The following SDK1 variants were observed in gnomAD, a reference collection of about 807,000 sequenced individuals.
SDK1 encodes sidekick cell adhesion molecule 1.
SDK1 carries 157 observed loss-of-function variants against 245.5 expected under a neutral mutation model. The observed-to-expected ratio is 0.64, with a 90% CI of 0.56 to 0.73. The LOEUF (loss-of-function observed/expected upper bound fraction) is 0.73. Among genes scored for constraint, SDK1 ranks in the 30% least tolerant of loss-of-function variants. The pLI is 0.00. For missense variants in SDK1, 3,583 were observed against 3,002.3 expected (o/e 1.19, Z -4.52); for synonymous variants, 1,647 against 1,278.5 (o/e 1.29, Z -6.15).
chr7:3,613,369 A>G (rs771067025), intron 1 of SDK1, among the ~76,000 whole-genome samples: 1 of 152,186 alleles, frequency 6.6e-6, no homozygotes, highest in Non-Finnish European at 1.5e-5. Flanking sequence ...ATTGGATCTG[A>G]AAACCTTAAA....
chr7:4,091,695 C>T (rs1190619363), intron 22 of SDK1, among the ~76,000 whole-genome samples: 2 of 152,082 alleles, frequency 1.3e-5, no homozygotes, highest in African/African-American at 2.4e-5. Context: ...TCTTTAAACA[C>T]CTTCTGAGGG....
chr7:4,200,817 G>A (rs1783840910), intron 35 of SDK1, among the ~76,000 whole-genome samples: 2 of 152,246 alleles, frequency 1.3e-5, no homozygotes, highest in South Asian at 4.1e-4. Context: ...CAGGGCATAA[G>A]TAACAGGAAG....
intron 4 of SDK1, among the ~76,000 whole-genome samples, chr7:3,718,809 C>T (rs769999631): frequency 1.8e-4 from 28 of 151,890 alleles, no homozygotes; most frequent in Non-Finnish European, 3.2e-4. Flanking sequence ...AAAAAGGCAT[C>T]CAAGTTTGAA....
At chr7:3,562,550 C>T (rs925984745) in intron 1 of SDK1, among the ~76,000 whole-genome samples, 3 of 152,188 alleles carry the variant, frequency 2.0e-5, no homozygotes, top group Non-Finnish European at 2.9e-5. Flanking sequence ...TGTATAGTGG[C>T]TAAGTAGACG....
chr7:3,565,368 A>G (rs141944662), intron 1 of SDK1, among the ~76,000 whole-genome samples: 6 of 152,190 alleles, frequency 3.9e-5, no homozygotes, highest in African/African-American at 1.4e-4. Context: ...TGAGAGATGC[A>G]CTATAAAGTA....
rs1310927040 is a variant in SDK1 at position 3,958,011 on chromosome 7, A to C, written c.1151-920A>C. The C allele has an allele frequency of 1.3e-5, 6 of 470,670 alleles. No individual in the cohort carries two copies. In the Admixed American group the frequency reaches 1.4e-4, roughly 11 times the overall value. The allele number at this position is 470,670 out of a possible 1,614,324, so 29.2% of individuals were successfully genotyped here. ...CCTTAATCGTTTCTTTGAAATGCTT[A>C]GTTTTCATTTCTCTTTTTCATCTTT... On this transcript the variant is annotated intron_variant, in intron 7 of 44. Coordinates refer to ENST00000404826, the MANE Select transcript of SDK1 (RefSeq NM_152744.4).
At chr7:3,344,371 CTG>C (rs1780437434) in intron 1 of SDK1, among the ~76,000 whole-genome samples, 1 of 152,188 alleles carries the variant, frequency 6.6e-6, no homozygotes, top group Admixed American at 6.5e-5. Flanking sequence ...AGCTGAAGCT[CTG>C]TACCTAGCTC....
chr7:4,087,774 C>T (rs990666775), intron 22 of SDK1, among the ~76,000 whole-genome samples: 3 of 152,034 alleles, frequency 2.0e-5, no homozygotes, highest in African/African-American at 4.8e-5. Flanking sequence ...TTTTTAGCAC[C>T]CCTGTTTCCC....
At chr7:3,430,333 T>A (rs1343991077) in intron 1 of SDK1, among the ~76,000 whole-genome samples, 1 of 152,190 alleles carries the variant, frequency 6.6e-6, no homozygotes, top group Non-Finnish European at 1.5e-5. Flanking sequence ...ATTAAGGTTA[T>A]TTTGATAGCA....
intron 1 of SDK1, among the ~76,000 whole-genome samples, chr7:3,612,104 G>T (rs994665889): frequency 6.6e-6 from 1 of 152,122 alleles, no homozygotes; most frequent in Non-Finnish European, 1.5e-5. Flanking sequence ...AGGGTGGGAC[G>T]GGGGTGAGGG....
At chr7:4,205,809 C>A in intron 35 of SDK1, 70 bp from the exon 36 acceptor site, 1 of 1,219,784 alleles carries the variant, frequency 8.2e-7, no homozygotes, top group Non-Finnish European at 1.2e-6. Context: ...GCCCCATGGG[C>A]ATGTGGGCGA....
intron 1 of SDK1, among the ~76,000 whole-genome samples, chr7:3,327,229 C>T (rs1779960176): frequency 6.6e-6 from 1 of 151,988 alleles, no homozygotes; most frequent in Admixed American, 6.6e-5. Context: ...GTTGAAGGAA[C>T]CAGGTGGGGA....
chr7:3,573,098 G>A (rs768261549), intron 1 of SDK1, among the ~76,000 whole-genome samples: 8 of 152,064 alleles, frequency 5.3e-5, no homozygotes, highest in Non-Finnish European at 1.2e-4. Context: ...AGTTTGCTAT[G>A]AAAATGTCTG....
At chr7:4,205,512 C>G (rs536471591) in intron 35 of SDK1, among the ~76,000 whole-genome samples, 1 of 152,318 alleles carries the variant, frequency 6.6e-6, no homozygotes, top group East Asian at 1.9e-4. Flanking sequence ...AGGTATTAAC[C>G]AAGAAGCACG....
At chr7:3,543,734 A>C (rs1779123060) in intron 1 of SDK1, among the ~76,000 whole-genome samples, 1 of 152,200 alleles carries the variant, frequency 6.6e-6, no homozygotes, top group South Asian at 2.1e-4. Context: ...CTTCATGTTT[A>C]CAGTGTGTTT....
intron 28 of SDK1, among the ~76,000 whole-genome samples, chr7:4,144,666 G>A (rs905901425): frequency 2.0e-5 from 3 of 152,142 alleles, no homozygotes; most frequent in South Asian, 2.1e-4. Flanking sequence ...AGAGCTGAGA[G>A]AGGGAGGGGT....
At chr7:4,050,632 A>G (rs1284731384) in intron 18 of SDK1, among the ~76,000 whole-genome samples, 2 of 152,160 alleles carry the variant, frequency 1.3e-5, no homozygotes, top group Admixed American at 6.5e-5. Flanking sequence ...TTGTGGATAC[A>G]GTCTGTATTT....
intron 5 of SDK1, among the ~76,000 whole-genome samples, chr7:3,838,237 G>A (rs1199989333): frequency 1.3e-5 from 2 of 152,170 alleles, no homozygotes; most frequent in East Asian, 1.9e-4. Flanking sequence ...AGTTATGCCC[G>A]GTGCCAGGCA....
chr7:3,321,674 T>C (rs1779806110), intron 1 of SDK1, among the ~76,000 whole-genome samples: 1 of 151,412 alleles, frequency 6.6e-6, no homozygotes, highest in Admixed American at 6.6e-5. Flanking sequence ...TGGGTTGGTT[T>C]CTCTTCTTCC....
Sources: allele counts gnomAD v4.1 joint callset (sites outside exome capture counted in the v4.1 genomes callset), GRCh38; gene constraint gnomAD v4.1.1; transcripts MANE v1.5; gene names NCBI Gene and HGNC (gene_info 2026-07-23, HGNC 2026-07-21).